The following BCAS3 variants were observed in gnomAD, a reference collection of about 807,000 sequenced individuals.
BCAS3 encodes BCAS3 microtubule associated cell migration factor.
A neutral mutation model predicts 116.1 loss-of-function variants in BCAS3; 53 were observed. The ratio of observed to expected loss-of-function variants is 0.46; its 90% CI spans 0.37 to 0.57. BCAS3 has a LOEUF of 0.57. Among genes scored for constraint, BCAS3 ranks in the 20% least tolerant of loss-of-function variants. The pLI is 0.00. For missense variants in BCAS3, 917 were observed against 1,165.4 expected (o/e 0.79, Z 3.10); for synonymous variants, 391 against 408.2 (o/e 0.96, Z 0.51).
chr17:61,072,498 A>G (rs1168119121), intron 19 of BCAS3, among the ~76,000 whole-genome samples: 1 of 152,054 alleles, frequency 6.6e-6, no homozygotes, highest in Admixed American at 6.6e-5. Context: ...CACCCAGTAA[A>G]TACTTATTGA....
chr17:60,767,162 A>G (rs1042049511), intron 6 of BCAS3, among the ~76,000 whole-genome samples: 34 of 152,022 alleles, frequency 2.2e-4, no homozygotes, highest in African/African-American at 8.2e-4. Context: ...GGGTGAGGCA[A>G]TGCCCCACCC....
At chr17:60,943,917 G>T (rs1306831416) in intron 13 of BCAS3, among the ~76,000 whole-genome samples, 2 of 151,920 alleles carry the variant, frequency 1.3e-5, no homozygotes, top group Non-Finnish European at 2.9e-5. Flanking sequence ...AAAGCAACTA[G>T]GAAACATTTA....
At chr17:61,142,149 C>T (rs1423213178) in intron 22 of BCAS3, among the ~76,000 whole-genome samples, 1 of 151,582 alleles carries the variant, frequency 6.6e-6, no homozygotes, top group African/African-American at 2.4e-5. Flanking sequence ...ACTGTATATA[C>T]CTTATCTCAT....
intron 7 of BCAS3, among the ~76,000 whole-genome samples, chr17:60,841,137 A>G (rs974535746): frequency 3.9e-5 from 6 of 152,202 alleles, no homozygotes; most frequent in African/African-American, 1.4e-4. Flanking sequence ...AATGTAGCAT[A>G]TATAAATGAA....
chr17:61,223,148 C>T (rs1051975941), intron 22 of BCAS3, among the ~76,000 whole-genome samples: 4 of 131,680 alleles, frequency 3.0e-5, no homozygotes, highest in Non-Finnish European at 4.7e-5. Flanking sequence ...CAGGATGCAG[C>T]GCCTTTTTTT....
chr17:60,824,143 G>A (rs537758147), intron 7 of BCAS3, among the ~76,000 whole-genome samples: 20 of 152,124 alleles, frequency 1.3e-4, no homozygotes, highest in South Asian at 4.2e-4. Flanking sequence ...AGTTTTTCCC[G>A]TTAAAAGTAA....
Position 61,241,733 on chromosome 17 carries a change from A to AATAAAAAAGGATATATAGGGAAG in BCAS3, c.2426-126594_2426-126593insATAAAAAAGGATATATAGGGAAG, listed in dbSNP as rs2047539804. On this transcript the variant is annotated intron_variant, in intron 22 of 23. Coordinates refer to ENST00000407086, the MANE Select transcript of BCAS3 (RefSeq NM_017679.5). The surrounding 1 kb of genome is among the most constrained non-coding windows in gnomAD (Gnocchi z 4.6). ...GACTCCATCTCAAAAAATAATAATA[A>AATAAAAAAGGATATATAGGGAAG]GAATAATAGTTTGGAGGTAAAATGA... Among the ~76,000 whole-genome samples, 1 of 152,070 alleles carries AATAAAAAAGGATATATAGGGAAG rather than the reference A, an allele frequency of 6.6e-6. No homozygotes were observed. Among genetic ancestry groups the AATAAAAAAGGATATATAGGGAAG allele is most frequent in the South Asian group, 2.1e-4 (1 of 4,812 alleles).
intron 22 of BCAS3, among the ~76,000 whole-genome samples, chr17:61,306,355 A>C (rs2053855123): frequency 6.6e-6 from 1 of 152,238 alleles, no homozygotes; most frequent in African/African-American, 2.4e-5. Flanking sequence ...TTTATTACCT[A>C]GACTGCAGGC....
chr17:60,679,431 T>C (rs2032633372), intron 1 of BCAS3, 22 bp from the exon 2 acceptor site: 2 of 1,570,048 alleles, frequency 1.3e-6, no homozygotes, highest in East Asian at 4.5e-5. Flanking sequence ...GTTTTTTGTT[T>C]GTTTGTTTGT....
At chr17:61,329,055 C>T (rs1241827074) in intron 22 of BCAS3, among the ~76,000 whole-genome samples, 17 of 151,812 alleles carry the variant, frequency 1.1e-4, no homozygotes, top group South Asian at 4.2e-4. Flanking sequence ...CCACCACGCC[C>T]GGCTAGTTTT....
chr17:60,681,180 A>C lies in BCAS3; in HGVS notation c.83+1640A>C, dbSNP rs1460828644. Among the ~76,000 whole-genome samples the C allele has an allele frequency of 3.9e-5, 6 of 152,128 alleles. No homozygotes were observed. In the East Asian group the frequency reaches 1.2e-3, roughly 30 times the overall value. On this transcript the variant is annotated intron_variant, in intron 2 of 23. Coordinates refer to ENST00000407086, the MANE Select transcript of BCAS3 (RefSeq NM_017679.5). The stretch of plus-strand genomic sequence containing the variant: ...TGATTGTGCCATTACACTCCAGCCT[A>C]GGTGACAGAGTGAGACTGTGTCTTA...
At chr17:60,687,378 C>T (rs2143834550) in intron 3 of BCAS3, among the ~76,000 whole-genome samples, 1 of 152,158 alleles carries the variant, frequency 6.6e-6, no homozygotes, top group East Asian at 1.9e-4. Context: ...CCTAGGCGGG[C>T]AGATTGCTTG....
intron 22 of BCAS3, among the ~76,000 whole-genome samples, chr17:61,230,895 G>A (rs2082635770): frequency 6.7e-6 from 1 of 149,520 alleles, no homozygotes; most frequent in African/African-American, 2.5e-5. Context: ...GGCTGAACTA[G>A]TTTATAACAA....
intron 22 of BCAS3, among the ~76,000 whole-genome samples, chr17:61,274,109 C>G (rs1434183285): frequency 6.6e-6 from 1 of 150,708 alleles, no homozygotes; most frequent in African/African-American, 2.4e-5. Context: ...TCCCTCCCCA[C>G]TCCCCCCACC....
intron 14 of BCAS3, among the ~76,000 whole-genome samples, 178 bp from the exon 15 acceptor site, chr17:60,989,792 GT>G: frequency 6.6e-6 from 1 of 152,200 alleles, no homozygotes; most frequent in South Asian, 2.1e-4. Flanking sequence ...ACCTAATGGA[GT>G]TTTGATCAAC....
intron 22 of BCAS3, among the ~76,000 whole-genome samples, chr17:61,262,326 G>T (rs1372318476): frequency 1.3e-5 from 2 of 150,326 alleles, no homozygotes; most frequent in Non-Finnish European, 3.0e-5. Context: ...AGGCAAAGTT[G>T]AAGGAATGAG....
chr17:60,868,538 TA>T (rs1567749710), intron 7 of BCAS3, 37 bp from the exon 8 acceptor site: 2 of 1,351,700 alleles, frequency 1.5e-6, no homozygotes, highest in South Asian at 1.4e-5. Context: ...CTTTCTTTTT[TA>T]AAAAAATGAC....
At chr17:61,216,731 A>G (rs866471969) in intron 22 of BCAS3, among the ~76,000 whole-genome samples, 18 of 150,668 alleles carry the variant, frequency 1.2e-4, no homozygotes, top group African/African-American at 3.4e-4. Context: ...TTTAGTAGAG[A>G]CGGGGTTTCA....
intron 14 of BCAS3, among the ~76,000 whole-genome samples, chr17:60,979,345 A>T (rs1224579428): frequency 6.7e-6 from 1 of 148,150 alleles, no homozygotes; most frequent in Non-Finnish European, 1.5e-5. Context: ...ATTTTTGCAC[A>T]TTGATTTTGT....
Sources: gnomAD v4.1 joint callset for allele counts (sites outside exome capture counted in the v4.1 genomes callset) on GRCh38, gnomAD v4.1.1 for gene constraint, Gnocchi (gnomAD v3.1) non-coding constraint, MANE v1.5 for transcripts, NCBI Gene and HGNC (gene_info 2026-07-23, HGNC 2026-07-21) for gene names.